Variants in VTI1A observed in about 807,000 individuals in gnomAD.
The protein encoded by VTI1A is vesicle transport through interaction with t-SNAREs 1A.
A neutral mutation model predicts 34.9 loss-of-function variants in VTI1A; 22 were observed. The observed-to-expected ratio is 0.63, with a 90% CI of 0.45 to 0.90. VTI1A has a LOEUF of 0.90. VTI1A is among the 40% of genes least tolerant of loss of function. The probability of loss-of-function intolerance (pLI) is 0.00; values close to 1 mark genes in which losing one functional copy is unlikely to be tolerated. For missense variants in VTI1A, 268 were observed against 275.6 expected, an observed-to-expected ratio of 0.97 and a Z score of 0.20; for synonymous variants, 87 against 97.3, an observed-to-expected ratio of 0.89 and a Z score of 0.62.
the VTI1A span, among the ~76,000 whole-genome samples, chr10:112,829,753 CAAAAAAT>C: frequency 5.1e-4 from 77 of 152,012 alleles, no homozygotes; most frequent in African/African-American, 1.8e-3. Flanking sequence ...GACTCCATTT[CAAAAAAT>C]AAAAAATAAA....
chr10:112,564,464 T>C (rs950261325), intron 5 of VTI1A, among the ~76,000 whole-genome samples: 1 of 151,914 alleles, frequency 6.6e-6, no homozygotes, highest in African/African-American at 2.4e-5. Flanking sequence ...AAAACACTCA[T>C]ATTGTGAAGT....
chr10:112,737,111 G>A (rs1390150432), intron 7 of VTI1A: 8 of 293,264 alleles, frequency 2.7e-5, no homozygotes, highest in Non-Finnish European at 3.8e-5. Flanking sequence ...TTGCCCTGTC[G>A]CCTGGCTGGA....
chr10:112,447,307 C>T lies in VTI1A; in HGVS notation c.-67C>T, dbSNP rs568599550. On this transcript the variant is annotated 5_prime_UTR_variant, in exon 1 of 8. Coordinates refer to ENST00000393077, the MANE Select transcript of VTI1A (RefSeq NM_145206.4). ...CCGGGGTTCCTAAGCCGCGGGGCCC[C>T]TCGCTGCCCCTCGAGGCCCTTTCCC... is the stretch of plus-strand genomic sequence containing the variant. 1.3e-5 allele frequency: 20 copies of T among 1,543,884 alleles called. No homozygotes were observed. The East Asian group carries it at 3.6e-4, about 28-fold the overall frequency.
At chr10:112,589,435 T>C (rs865815482) in intron 5 of VTI1A, among the ~76,000 whole-genome samples, 16,042 of 152,132 alleles carry the variant, frequency 0.11, 942 homozygotes, top group African/African-American at 0.13. Context: ...GAACTGTAAG[T>C]TCCACCCAGC....
At chr10:112,616,196 T>C (rs74607498) in intron 5 of VTI1A, among the ~76,000 whole-genome samples, 2,413 of 152,204 alleles carry the variant, frequency 0.016, 65 homozygotes, top group African/African-American at 0.055. Flanking sequence ...GATTTATAAG[T>C]GTACAAGAAA....
intron 5 of VTI1A, among the ~76,000 whole-genome samples, chr10:112,554,800 C>G (rs988750784): frequency 6.6e-6 from 1 of 152,036 alleles, no homozygotes; most frequent in African/African-American, 2.4e-5. Flanking sequence ...CCACTCTCTA[C>G]CTCTCCCTAA....
intron 5 of VTI1A, among the ~76,000 whole-genome samples, chr10:112,601,947 A>G (rs914251803): frequency 3.9e-5 from 6 of 152,182 alleles, no homozygotes; most frequent in Non-Finnish European, 1.5e-5. Flanking sequence ...AAGACAATAC[A>G]TTTCCATAAA....
chr10:112,625,640 C>CAAAA (rs766419906), intron 5 of VTI1A, among the ~76,000 whole-genome samples: 4 of 82,608 alleles, frequency 4.8e-5, no homozygotes, highest in South Asian at 3.3e-4. Context: ...AACTCTGTCT[C>CAAAA]AAAAAAAAAA....
intron 5 of VTI1A, among the ~76,000 whole-genome samples, chr10:112,557,887 T>C (rs1050530419): frequency 7.2e-5 from 11 of 152,240 alleles, no homozygotes; most frequent in Admixed American, 6.5e-4. Flanking sequence ...GGTGTTTTAA[T>C]AACTTTATTT....
At chr10:112,726,633 T>C (rs1850037534) in intron 7 of VTI1A, among the ~76,000 whole-genome samples, 1 of 152,222 alleles carries the variant, frequency 6.6e-6, no homozygotes, top group African/African-American at 2.4e-5. Context: ...CTTAACCATT[T>C]TGAGGCCACA....
chr10:112,464,900 G>T, intron 3 of VTI1A: 1 of 523,228 alleles, frequency 1.9e-6, no homozygotes, highest in Non-Finnish European at 3.4e-6. Flanking sequence ...AGTCTGAATG[G>T]TATTTACTGA....
At chr10:112,466,407 GCTC>G (rs1847894600) in intron 3 of VTI1A, among the ~76,000 whole-genome samples, 2 of 151,966 alleles carry the variant, frequency 1.3e-5, no homozygotes, top group East Asian at 1.9e-4. Context: ...TTTAGACTGG[GCTC>G]CTATTAATTA....
intron 5 of VTI1A, among the ~76,000 whole-genome samples, chr10:112,557,384 A>G (rs1167041486): frequency 1.3e-5 from 2 of 152,186 alleles, no homozygotes; most frequent in African/African-American, 4.8e-5. Context: ...TTGCAAAATT[A>G]TCTTCCGATG....
At chr10:112,522,260 A>G (rs895067225) in intron 3 of VTI1A, among the ~76,000 whole-genome samples, 6 of 152,058 alleles carry the variant, frequency 3.9e-5, no homozygotes, top group African/African-American at 1.4e-4. Context: ...ATATATGGAG[A>G]CTGAAAGACA....
chr10:112,849,319 T>C, the VTI1A span, among the ~76,000 whole-genome samples: 2 of 152,246 alleles, frequency 1.3e-5, no homozygotes, highest in Non-Finnish European at 2.9e-5. Context: ...TCTTCACACA[T>C]GGGCATTCAT....
chr10:112,547,055 A>C (rs1851158445), intron 5 of VTI1A, among the ~76,000 whole-genome samples: 2 of 152,328 alleles, frequency 1.3e-5, no homozygotes, highest in South Asian at 4.1e-4. Flanking sequence ...CCAAGCAGGC[A>C]GATCACTTGA....
intron 7 of VTI1A, among the ~76,000 whole-genome samples, chr10:112,707,689 A>G (rs955306225): frequency 7.9e-5 from 12 of 152,216 alleles, no homozygotes; most frequent in African/African-American, 2.7e-4. Flanking sequence ...TATATTTTAC[A>G]TACAAATAAT....
chr10:112,792,008 G>C (rs932238485), intron 7 of VTI1A, among the ~76,000 whole-genome samples: 1 of 152,128 alleles, frequency 6.6e-6, no homozygotes, highest in Non-Finnish European at 1.5e-5. Flanking sequence ...AGGCACGATG[G>C]CTCACGCCTG....
At chr10:112,602,048 C>G (rs1844898875) in intron 5 of VTI1A, among the ~76,000 whole-genome samples, 1 of 152,178 alleles carries the variant, frequency 6.6e-6, no homozygotes, top group African/African-American at 2.4e-5. Context: ...CTGAAACATG[C>G]AGGCATTAGT....
Sources: allele counts gnomAD v4.1 joint callset (sites outside exome capture counted in the v4.1 genomes callset), GRCh38; gene constraint gnomAD v4.1.1; transcripts MANE v1.5; gene names NCBI Gene and HGNC (gene_info 2026-07-23, HGNC 2026-07-21).